Variants in AUTS2 observed in about 807,000 individuals in gnomAD.
AUTS2 encodes activator of transcription and developmental regulator AUTS2.
AUTS2 carries 17 observed loss-of-function variants against 112.4 expected under a neutral mutation model. The ratio of observed to expected loss-of-function variants is 0.15; its 90% CI spans 0.10 to 0.23. The LOEUF (loss-of-function observed/expected upper bound fraction) is 0.23. AUTS2 is among the 10% of genes least tolerant of loss of function. The probability of loss-of-function intolerance (pLI) is 1.00; values close to 1 mark genes in which losing one functional copy is unlikely to be tolerated. For synonymous variants in AUTS2, 751 were observed against 702.7 expected, an observed-to-expected ratio of 1.07 and a Z score of -1.09; for missense variants, 1,510 against 1,701.6, an observed-to-expected ratio of 0.89 and a Z score of 1.98.
chr7:70,696,120 G>C (rs1425767451), intron 5 of AUTS2, among the ~76,000 whole-genome samples: 1 of 152,168 alleles, frequency 6.6e-6, no homozygotes, highest in Non-Finnish European at 1.5e-5. Context: ...CCAAGATTCA[G>C]ACCCAAGGAA....
At position 70,742,711 on chromosome 7, in the gene AUTS2, G is replaced by A. The variant is rs560583592; in HGVS notation, c.743-20159G>A. Among the ~76,000 whole-genome samples, 104 of 152,296 alleles carry A rather than the reference G, an allele frequency of 6.8e-4. 1 individual carries two copies. The highest frequency in any genetic ancestry group is 4.4e-4 in the Non-Finnish European group (30 of 68,034). ...CGGGAGGCAGAGGTTGCAGTGAGCC[G>A]AGATCGCGCCCTTGCACTCCAGCCT... is the stretch of plus-strand genomic sequence containing the variant. On this transcript the variant is annotated intron_variant, in intron 6 of 18. Coordinates refer to ENST00000342771, the MANE Select transcript of AUTS2 (RefSeq NM_015570.4).
At chr7:70,690,720 T>C (rs1431215802) in intron 5 of AUTS2, among the ~76,000 whole-genome samples, 1 of 152,214 alleles carries the variant, frequency 6.6e-6, no homozygotes, top group Non-Finnish European at 1.5e-5. Flanking sequence ...CCCAGTACTT[T>C]GGGAGGTCAA....
intron 2 of AUTS2, among the ~76,000 whole-genome samples, chr7:70,002,492 G>A (rs1231610923): frequency 6.6e-6 from 1 of 152,012 alleles, no homozygotes; most frequent in East Asian, 1.9e-4. Context: ...AAAACTTCTT[G>A]GGTCATAAAT....
intron 5 of AUTS2, among the ~76,000 whole-genome samples, chr7:70,453,012 C>T (rs62455222): frequency 0.027 from 4,100 of 152,272 alleles, 126 homozygotes; most frequent in Admixed American, 0.095. Context: ...CCTGTCCCTT[C>T]CCCACCTCCC....
intron 1 of AUTS2, among the ~76,000 whole-genome samples, chr7:69,669,416 A>G (rs1210010420): frequency 1.3e-5 from 2 of 152,076 alleles, no homozygotes; most frequent in African/African-American, 2.4e-5. Context: ...TTATATTGTA[A>G]TATTTTGACA....
At chr7:70,461,116 G>T (rs1023735477) in intron 5 of AUTS2, among the ~76,000 whole-genome samples, 1 of 152,154 alleles carries the variant, frequency 6.6e-6, no homozygotes, top group Middle Eastern at 3.2e-3. Flanking sequence ...AGGATGATGA[G>T]ATTTTTCTTT....
intron 5 of AUTS2, among the ~76,000 whole-genome samples, chr7:70,481,520 C>G (rs1250908847): frequency 6.6e-6 from 1 of 152,198 alleles, no homozygotes; most frequent in Non-Finnish European, 1.5e-5. Flanking sequence ...TTCCTAGATT[C>G]AACACATCCC....
At chr7:70,550,239 A>G (rs995742120) in intron 5 of AUTS2, among the ~76,000 whole-genome samples, 11 of 152,212 alleles carry the variant, frequency 7.2e-5, no homozygotes, top group Admixed American at 5.2e-4. Context: ...CCAAGACTCC[A>G]GTGACGCCAT....
chr7:70,040,636 C>T (rs1168435850), intron 2 of AUTS2, among the ~76,000 whole-genome samples: 5 of 152,124 alleles, frequency 3.3e-5, no homozygotes, highest in African/African-American at 7.2e-5. Flanking sequence ...GCTTTGTGAC[C>T]GTGGGACCAC....
chr7:70,762,777 G>T, intron 6 of AUTS2, 93 bp from the exon 7 acceptor site: 1 of 936,348 alleles, frequency 1.1e-6, no homozygotes. Context: ...CCTGTTGCTG[G>T]AGTTGTGTGA....
At chr7:70,597,665 A>C (rs1465949786) in intron 5 of AUTS2, among the ~76,000 whole-genome samples, 1 of 152,224 alleles carries the variant, frequency 6.6e-6, no homozygotes, top group African/African-American at 2.4e-5. Context: ...GAAATTGGAG[A>C]GAAATCCCTG....
At chr7:70,070,744 C>T (rs1296176449) in intron 2 of AUTS2, among the ~76,000 whole-genome samples, 1 of 149,746 alleles carries the variant, frequency 6.7e-6, no homozygotes. Context: ...TGGTGGCACA[C>T]ACCTGTAGTC....
intron 4 of AUTS2, among the ~76,000 whole-genome samples, chr7:70,362,512 T>G (rs565493548): frequency 2.7e-4 from 41 of 152,252 alleles, no homozygotes; most frequent in Admixed American, 2.6e-3. Context: ...CCTTGCAGTC[T>G]TATAAAATAA....
chr7:69,658,623 A>G (rs1196043768), intron 1 of AUTS2, among the ~76,000 whole-genome samples: 2 of 152,224 alleles, frequency 1.3e-5, no homozygotes, highest in African/African-American at 2.4e-5. Context: ...AAGAAATGGC[A>G]TGACTCTTCA....
chr7:69,623,849 A>G (rs548663632), intron 1 of AUTS2, among the ~76,000 whole-genome samples: 2 of 152,310 alleles, frequency 1.3e-5, no homozygotes, highest in African/African-American at 4.8e-5. Flanking sequence ...AGGTAAAGAA[A>G]TAGAACATTG....
chr7:70,171,905 T>TGGGG lies in AUTS2; in HGVS notation c.660+37340_660+37343dup, dbSNP rs567903138. On this transcript the variant is annotated intron_variant, in intron 4 of 18. Transcript: ENST00000342771. The stretch of plus-strand genomic sequence containing the variant: ...TTTATTATAAACAAGTTTTTTTTTT[T>TGGGG]GGGGGGGGGTAGTTTTTCCCTCCTT... 5.5e-3 allele frequency among the ~76,000 whole-genome samples: 807 copies of TGGGG among 146,684 alleles called. 15 individuals carry two copies. Among genetic ancestry groups the TGGGG allele is most frequent in the African/African-American group, 0.019 (756 of 39,676 alleles).
chr7:70,647,630 C>T (rs1255728283), intron 5 of AUTS2, among the ~76,000 whole-genome samples: 1 of 152,200 alleles, frequency 6.6e-6, no homozygotes, highest in Non-Finnish European at 1.5e-5. Flanking sequence ...TGGCTCGTCT[C>T]CTGTGTGATG....
At chr7:70,789,073 C>T (rs755594915) in intron 18 of AUTS2, among the ~76,000 whole-genome samples, 12 of 152,204 alleles carry the variant, frequency 7.9e-5, no homozygotes, top group Non-Finnish European at 1.5e-4. Context: ...GCCTTCCCTC[C>T]GTCTTCTCAT....
At chr7:70,017,500 T>C (rs1800081423) in intron 2 of AUTS2, among the ~76,000 whole-genome samples, 1 of 152,256 alleles carries the variant, frequency 6.6e-6, no homozygotes, top group Non-Finnish European at 1.5e-5. Context: ...CCGAGCTTTA[T>C]GCTGTCATTT....
Sources: allele counts gnomAD v4.1 joint callset (sites outside exome capture counted in the v4.1 genomes callset), GRCh38; gene constraint gnomAD v4.1.1; transcripts MANE v1.5; gene names NCBI Gene and HGNC (gene_info 2026-07-23, HGNC 2026-07-21).